The following PCDH7 variants were observed in gnomAD, a reference collection of about 807,000 sequenced individuals.
PCDH7 encodes protocadherin-7.
A neutral mutation model predicts 58.9 loss-of-function variants in PCDH7; 17 were observed. The ratio of observed to expected loss-of-function variants is 0.29; its 90% CI spans 0.20 to 0.43. The LOEUF (loss-of-function observed/expected upper bound fraction) is 0.43, where lower values mean the gene tolerates loss of function less well. Among genes scored for constraint, PCDH7 ranks in the 20% least tolerant of loss-of-function variants. PCDH7 has a pLI of 1.00. For synonymous variants in PCDH7, 664 were observed against 616.4 expected (o/e 1.08, Z -1.14); for missense variants, 1,274 against 1,441.0 (o/e 0.88, Z 1.88).
At chr4:30,903,369 A>C (rs944711968) in intron 1 of PCDH7, among the ~76,000 whole-genome samples, 3 of 152,132 alleles carry the variant, frequency 2.0e-5, no homozygotes, top group Admixed American at 2.0e-4. Flanking sequence ...AAATTAGGCC[A>C]ATCCTGAAAA....
intron 1 of PCDH7, among the ~76,000 whole-genome samples, chr4:30,770,344 T>G (rs1290013455): frequency 6.6e-6 from 1 of 152,244 alleles, no homozygotes; most frequent in Non-Finnish European, 1.5e-5. Flanking sequence ...TTCATGTATT[T>G]TGGCAGATTT....
intron 1 of PCDH7, among the ~76,000 whole-genome samples, chr4:30,915,334 C>T (rs1742307669): frequency 6.6e-6 from 1 of 152,148 alleles, no homozygotes; most frequent in Non-Finnish European, 1.5e-5. Flanking sequence ...TACAATTGTT[C>T]CCCAGAGTTT....
chr4:30,722,431 G>A lies in PCDH7; in HGVS notation c.1009G>A (p.Val337Met), dbSNP rs765998405. 1.9e-6 allele frequency: 3 copies of A among 1,612,482 alleles called. No homozygotes were observed. Among genetic ancestry groups the A allele is most frequent in the South Asian group, 1.1e-5 (1 of 91,060 alleles). ...GCAACTGCGCGCAGCCGACTTGGAC[G>A]TGGGGGTCAACGGGCAGATCGAATA... Residue 337 changes from valine to methionine, a missense_variant, in exon 1 of 2, where the codon GTG becomes ATG. Coordinates refer to ENST00000361762, the Ensembl canonical transcript of PCDH7. This position sits in a 1 kb window ranked among gnomAD's most constrained non-coding sequence, Gnocchi z 7.6.
chr4:30,887,672 A>G (rs901195171), intron 1 of PCDH7, among the ~76,000 whole-genome samples: 1 of 152,194 alleles, frequency 6.6e-6, no homozygotes, highest in Non-Finnish European at 1.5e-5. Context: ...TTGATTTATT[A>G]GTTTAGGTAT....
At chr4:30,788,246 C>G (rs1723666276) in intron 1 of PCDH7, among the ~76,000 whole-genome samples, 1 of 152,106 alleles carries the variant, frequency 6.6e-6, no homozygotes, top group African/African-American at 2.4e-5. Flanking sequence ...AATGATATAT[C>G]AACATGAACA....
downstream of PCDH7, chr4:31,146,113 C>T (rs1720656531): frequency 6.6e-6 from 1 of 152,072 alleles, no homozygotes; most frequent in South Asian, 2.1e-4. Flanking sequence ...GCCTGAGTTT[C>T]AGAAAACAAG....
chr4:30,912,084 G>A (rs753752509), intron 1 of PCDH7, among the ~76,000 whole-genome samples: 3 of 152,188 alleles, frequency 2.0e-5, no homozygotes, highest in South Asian at 2.1e-4. Flanking sequence ...TTTAATTAAT[G>A]AATCCAAATG....
downstream of PCDH7, among the ~76,000 whole-genome samples, chr4:30,734,927 G>T (rs987881933): frequency 6.6e-6 from 1 of 152,108 alleles, no homozygotes; most frequent in Admixed American, 6.5e-5. Context: ...AAGTCTACCT[G>T]CTGTGTTGGC....
chr4:30,835,512 C>T (rs1730377601), intron 1 of PCDH7, among the ~76,000 whole-genome samples: 1 of 152,112 alleles, frequency 6.6e-6, no homozygotes, highest in Non-Finnish European at 1.5e-5. Flanking sequence ...AAATTGTCTT[C>T]CAGGAAACCG....
chr4:30,956,041 A>AC (rs947817735), intron 3 of PCDH7, among the ~76,000 whole-genome samples: 9 of 151,338 alleles, frequency 5.9e-5, no homozygotes, highest in East Asian at 4.0e-4. Flanking sequence ...AAACAAACAA[A>AC]AAAAAAAAGC....
intron 3 of PCDH7, among the ~76,000 whole-genome samples, chr4:31,029,344 C>T (rs1403617272): frequency 6.6e-6 from 1 of 152,120 alleles, no homozygotes; most frequent in Non-Finnish European, 1.5e-5. Flanking sequence ...TGGTGGGTCT[C>T]AAACATCAAA....
chr4:30,791,278 G>A (rs533910601), intron 1 of PCDH7, among the ~76,000 whole-genome samples: 3 of 152,212 alleles, frequency 2.0e-5, no homozygotes, highest in East Asian at 3.9e-4. Flanking sequence ...GGTTTGAAAC[G>A]TGGTTCATAC....
At chr4:30,772,773 T>C (rs1215565684) in intron 1 of PCDH7, among the ~76,000 whole-genome samples, 1 of 152,260 alleles carries the variant, frequency 6.6e-6, no homozygotes, top group Non-Finnish European at 1.5e-5. Flanking sequence ...TTTACTTATG[T>C]CATCCCATAT....
intron 1 of PCDH7, among the ~76,000 whole-genome samples, chr4:30,725,831 A>G (rs1391103089): frequency 6.6e-6 from 1 of 152,138 alleles, no homozygotes; most frequent in Non-Finnish European, 1.5e-5. Context: ...AGAAAGAGAT[A>G]TGAATTCTTA....
chr4:30,741,359 TA>T (rs5857203), intron 1 of PCDH7, among the ~76,000 whole-genome samples: 44,423 of 145,864 alleles, frequency 0.3, 6,880 homozygotes, highest in African/African-American at 0.33. Context: ...TATGGCTAGT[TA>T]AAAAAAAAAA....
chr4:30,772,112 C>G (rs781538705), intron 1 of PCDH7, among the ~76,000 whole-genome samples: 1 of 152,076 alleles, frequency 6.6e-6, no homozygotes, highest in Non-Finnish European at 1.5e-5. Flanking sequence ...TCAGGTGATC[C>G]GCCCGCCTAA....
chr4:30,840,029 AGT>A (rs10687813), intron 1 of PCDH7, among the ~76,000 whole-genome samples: 5,641 of 148,318 alleles, frequency 0.038, 237 homozygotes, highest in African/African-American at 0.1. Context: ...AATGATGATG[AGT>A]GTGTGTGTGT....
At chr4:31,021,920 G>A (rs976304786) in intron 3 of PCDH7, among the ~76,000 whole-genome samples, 1 of 152,094 alleles carries the variant, frequency 6.6e-6, no homozygotes, top group South Asian at 2.1e-4. Flanking sequence ...AAACAGCAAC[G>A]TTCATCTTTG....
intron 3 of PCDH7, among the ~76,000 whole-genome samples, chr4:31,080,270 T>A (rs1184094592): frequency 8.7e-6 from 1 of 114,432 alleles, no homozygotes; most frequent in Non-Finnish European, 1.7e-5. Flanking sequence ...TTCTTTATCT[T>A]GTTTAGAAAG....
Sources: allele counts gnomAD v4.1 joint callset (sites outside exome capture counted in the v4.1 genomes callset), GRCh38; gene constraint gnomAD v4.1.1; non-coding constraint Gnocchi (gnomAD v3.1); transcripts MANE v1.5; gene names NCBI Gene and HGNC (gene_info 2026-07-23, HGNC 2026-07-21).